RPS6KC1: variants seen among roughly 807,000 people sequenced by gnomAD.
RPS6KC1 encodes inactive ribosomal protein S6 kinase delta-1.
RPS6KC1 carries 54 observed loss-of-function variants against 103.8 expected under a neutral mutation model. That is an observed-to-expected ratio of 0.52 (90% CI 0.42 to 0.65). RPS6KC1 has a LOEUF of 0.65. RPS6KC1 is among the 30% of genes least tolerant of loss of function. RPS6KC1 has a pLI of 0.00. For missense variants in RPS6KC1, 1,151 were observed against 1,253.8 expected (o/e 0.92, Z 1.24); for synonymous variants, 439 against 438.7 (o/e 1.00, Z -0.01).
At chr1:213,830,501 G>T in the RPS6KC1 span, among the ~76,000 whole-genome samples, 1 of 152,136 alleles carries the variant, frequency 6.6e-6, no homozygotes, top group East Asian at 1.9e-4. Flanking sequence ...GAAGTGTGGT[G>T]GCCCTTCATT....
chr1:213,216,323 A>G lies in RPS6KC1; in HGVS notation c.1045-14174A>G, dbSNP rs531455131. Reference sequence around the variant, plus strand: ...GGGATCAATTCAACAAGAGCTAACTATCTTAAATATATATGCACCCAATAC... The same window carrying G: ...GGGATCAATTCAACAAGAGCTAACTGTCTTAAATATATATGCACCCAATAC... On this transcript the variant is annotated intron_variant, in intron 8 of 14. Transcript: ENST00000366960. 5.3e-4 allele frequency among the ~76,000 whole-genome samples: 80 copies of G among 152,362 alleles called. 1 individual carries two copies. In the South Asian group the frequency reaches 9.1e-3, roughly 17 times the overall value.
chr1:213,600,765 G>A, the RPS6KC1 span, among the ~76,000 whole-genome samples: 1 of 152,178 alleles, frequency 6.6e-6, no homozygotes, highest in South Asian at 2.1e-4. Flanking sequence ...AACAACCATA[G>A]GGTGCATGTT....
At chr1:213,609,640 G>A in the RPS6KC1 span, among the ~76,000 whole-genome samples, 2 of 151,900 alleles carry the variant, frequency 1.3e-5, no homozygotes, top group African/African-American at 2.4e-5. Flanking sequence ...GGAGGAAAAT[G>A]GGCTAGGGCA....
At chr1:213,204,558 C>T (rs545614110) in intron 8 of RPS6KC1, among the ~76,000 whole-genome samples, 110 of 151,206 alleles carry the variant, frequency 7.3e-4, no homozygotes, top group Non-Finnish European at 1.2e-3. Flanking sequence ...TAAATCTGCA[C>T]GTGCTGTAAG....
the RPS6KC1 span, among the ~76,000 whole-genome samples, chr1:213,342,973 C>T: frequency 3.3e-5 from 5 of 151,998 alleles, no homozygotes; most frequent in Admixed American, 1.3e-4. Flanking sequence ...CATAGCGAAA[C>T]GCTGTCTCTA....
chr1:213,412,891 C>T, the RPS6KC1 span, among the ~76,000 whole-genome samples: 2 of 152,228 alleles, frequency 1.3e-5, no homozygotes, highest in Admixed American at 1.3e-4. Flanking sequence ...AAACACTCCC[C>T]CCAGCCACAG....
chr1:213,581,953 G>T, the RPS6KC1 span, among the ~76,000 whole-genome samples: 1 of 151,994 alleles, frequency 6.6e-6, no homozygotes, highest in East Asian at 1.9e-4. Context: ...CCAAGCAAAA[G>T]CTGATCCGTC....
the RPS6KC1 span, among the ~76,000 whole-genome samples, chr1:213,646,314 G>A: frequency 6.6e-6 from 1 of 152,194 alleles, no homozygotes; most frequent in African/African-American, 2.4e-5. Context: ...CCTGGGGTTA[G>A]GAGTTGGACT....
the RPS6KC1 span, among the ~76,000 whole-genome samples, chr1:213,834,559 T>A: frequency 6.6e-6 from 1 of 152,144 alleles, no homozygotes; most frequent in African/African-American, 2.4e-5. Flanking sequence ...AAGAGCAAAG[T>A]CTTCAAAAGA....
At chr1:213,597,518 G>T in the RPS6KC1 span, among the ~76,000 whole-genome samples, 1 of 152,162 alleles carries the variant, frequency 6.6e-6, no homozygotes, top group Non-Finnish European at 1.5e-5. Context: ...AACAGGGAAG[G>T]GTGGATTTGA....
the RPS6KC1 span, among the ~76,000 whole-genome samples, chr1:213,373,203 C>T: frequency 6.6e-6 from 1 of 152,180 alleles, no homozygotes; most frequent in Admixed American, 6.5e-5. Context: ...AAAATCAAGT[C>T]TTTACACAGA....
At chr1:213,384,576 G>A in the RPS6KC1 span, among the ~76,000 whole-genome samples, 1 of 152,118 alleles carries the variant, frequency 6.6e-6, no homozygotes, top group Non-Finnish European at 1.5e-5. Context: ...AAGGTGTCGA[G>A]GGCAGGAGGG....
At chr1:213,475,188 G>A in the RPS6KC1 span, among the ~76,000 whole-genome samples, 1 of 152,146 alleles carries the variant, frequency 6.6e-6, no homozygotes, top group Non-Finnish European at 1.5e-5. Flanking sequence ...CGGCACTGTG[G>A]GAACCTGTGA....
the RPS6KC1 span, among the ~76,000 whole-genome samples, chr1:213,670,912 G>T: frequency 6.6e-6 from 1 of 152,096 alleles, no homozygotes; most frequent in Admixed American, 6.5e-5. Flanking sequence ...CAGTCTTGTG[G>T]CTTCAGATCT....
the RPS6KC1 span, among the ~76,000 whole-genome samples, chr1:213,660,567 T>C: frequency 3.3e-5 from 5 of 152,342 alleles, no homozygotes; most frequent in South Asian, 1.0e-3. Flanking sequence ...TTGTGGAAGA[T>C]TCTAGGTAGC....
At chr1:213,787,064 C>A in the RPS6KC1 span, among the ~76,000 whole-genome samples, 2 of 152,198 alleles carry the variant, frequency 1.3e-5, no homozygotes, top group Non-Finnish European at 2.9e-5. Context: ...ACAACGGCTT[C>A]TGTCCTGGAT....
chr1:213,777,456 C>G, the RPS6KC1 span, among the ~76,000 whole-genome samples: 1 of 152,146 alleles, frequency 6.6e-6, no homozygotes, highest in Non-Finnish European at 1.5e-5. Flanking sequence ...AACACACACA[C>G]TTATCGATTA....
At chr1:213,052,690 G>C (rs2077049019) in intron 1 of RPS6KC1, among the ~76,000 whole-genome samples, 2 of 152,028 alleles carry the variant, frequency 1.3e-5, no homozygotes, top group East Asian at 3.9e-4. Context: ...ACAGGCATGT[G>C]CTACCATGCC....
chr1:213,267,995 G>C (rs12027966), intron 14 of RPS6KC1, among the ~76,000 whole-genome samples: 1 of 151,484 alleles, frequency 6.6e-6, no homozygotes, highest in Non-Finnish European at 1.5e-5. Context: ...GAGGAGAAAG[G>C]GAAAGGGACA....
Sources: allele counts gnomAD v4.1 joint callset (sites outside exome capture counted in the v4.1 genomes callset), GRCh38; gene constraint gnomAD v4.1.1; transcripts MANE v1.5; gene names NCBI Gene and HGNC (gene_info 2026-07-23, HGNC 2026-07-21).